Variants in FNDC3A observed in about 807,000 individuals in gnomAD.
The protein encoded by FNDC3A is fibronectin type III domain containing 3A.
Under a neutral mutation model 148.9 loss-of-function variants are expected in FNDC3A, and 32 were observed. The observed-to-expected ratio is 0.21, with a 90% CI of 0.16 to 0.29. The LOEUF is 0.29. Ranked by LOEUF, FNDC3A falls within the 10% of genes least tolerant of loss-of-function variation. The pLI, the probability that FNDC3A is intolerant of heterozygous loss-of-function variation, is 1.00. For missense variants in FNDC3A, 1,191 were observed against 1,452.8 expected, an observed-to-expected ratio of 0.82 and a Z score of 2.93; for synonymous variants, 472 against 473.6, an observed-to-expected ratio of 1.00 and a Z score of 0.04.
At chr13:49,198,633 T>C in intron 23 of FNDC3A, 59 bp downstream of exon 23, 1 of 1,367,324 alleles carries the variant, frequency 7.3e-7, no homozygotes, top group Non-Finnish European at 1.0e-6. Context: ...TATACATTTC[T>C]GTAACTATTA....
intron 8 of FNDC3A, among the ~76,000 whole-genome samples, chr13:49,163,323 T>A (rs1263643167): frequency 6.6e-6 from 1 of 152,210 alleles, no homozygotes; most frequent in South Asian, 2.1e-4. Flanking sequence ...GTTTACCTAC[T>A]CAAGCCTCAG....
chr13:49,063,699 G>C (rs1178119896), intron 2 of FNDC3A, among the ~76,000 whole-genome samples: 2 of 152,264 alleles, frequency 1.3e-5, no homozygotes, highest in Admixed American at 6.5e-5. Flanking sequence ...ATTGCCCCTG[G>C]GCATGGGTGC....
rs111933656 is a variant in FNDC3A, at chr13:49,185,369, A to G, written c.1618-595A>G. Reference sequence around the variant, plus strand: ...CTATGAGGTTGTAATCAAGATGTCAACTGGGGTTGCAGTCATCTCAAGGCT... The same window carrying G: ...CTATGAGGTTGTAATCAAGATGTCAGCTGGGGTTGCAGTCATCTCAAGGCT... On this transcript the variant is annotated intron_variant, in intron 14 of 25. Coordinates refer to ENST00000492622, the MANE Select transcript of FNDC3A (RefSeq NM_001079673.2). Among the ~76,000 whole-genome samples the G allele has an allele frequency of 4.8e-3, 738 of 152,272 alleles. 11 individuals carry two copies. The highest frequency in any genetic ancestry group is 0.017 in the African/African-American group (688 of 41,558).
At chr13:48,993,331 C>G (rs988697979) in intron 1 of FNDC3A, among the ~76,000 whole-genome samples, 2 of 152,200 alleles carry the variant, frequency 1.3e-5, no homozygotes, top group African/African-American at 4.8e-5. Context: ...TGGGCCCCAC[C>G]ACACACCTGT....
Position 49,060,816 on chromosome 13 carries a change from G to T in FNDC3A, c.100-14473G>T, listed in dbSNP as rs536782214. The stretch of plus-strand genomic sequence containing the variant: ...ATACATAGAGATAGAAAGCAGATTG[G>T]TGATTACCAGGGGCTCGGAATAGGG... On this transcript the variant is annotated intron_variant, in intron 2 of 25. Coordinates refer to ENST00000492622, the MANE Select transcript of FNDC3A (RefSeq NM_001079673.2). Among the ~76,000 whole-genome samples, 21 of 152,166 alleles carry T rather than the reference G, an allele frequency of 1.4e-4. 2 individuals carry two copies. Among genetic ancestry groups the T allele is most frequent in the Admixed American group, 9.8e-4 (15 of 15,294 alleles).
chr13:49,198,627 C>T (rs1886273885), intron 23 of FNDC3A, 53 bp downstream of exon 23: 2 of 1,392,206 alleles, frequency 1.4e-6, no homozygotes, highest in South Asian at 1.2e-5. Flanking sequence ...TAAGTATATA[C>T]ATTTCTGTAA....
chr13:49,116,750 C>T (rs529992562), intron 4 of FNDC3A, among the ~76,000 whole-genome samples: 2 of 149,666 alleles, frequency 1.3e-5, no homozygotes. Flanking sequence ...CGCACCATTG[C>T]ACTCCAGCCT....
At chr13:49,038,377 C>G (rs1593503041) in intron 2 of FNDC3A, among the ~76,000 whole-genome samples, 1 of 152,274 alleles carries the variant, frequency 6.6e-6, no homozygotes, top group Non-Finnish European at 1.5e-5. Flanking sequence ...CATTTTCCCC[C>G]TCTAAAGAGA....
At chr13:49,167,168 A>G (rs2138042571) in intron 8 of FNDC3A, 76 bp from the exon 9 acceptor site, 2 of 803,464 alleles carry the variant, frequency 2.5e-6, no homozygotes, top group South Asian at 3.8e-5. Context: ...AATACTCTAA[A>G]CTATAGTGTA....
At chr13:49,168,058 C>T (rs1484191928) in intron 9 of FNDC3A, among the ~76,000 whole-genome samples, 1 of 152,122 alleles carries the variant, frequency 6.6e-6, no homozygotes, top group Non-Finnish European at 1.5e-5. Flanking sequence ...GTGTAATTTA[C>T]TAAAATTTCA....
intron 23 of FNDC3A, among the ~76,000 whole-genome samples, chr13:49,199,202 G>C (rs1245830027): frequency 6.6e-6 from 1 of 152,020 alleles, no homozygotes; most frequent in East Asian, 1.9e-4. Context: ...TGTATTTTTA[G>C]TAGAGATGGG....
intron 2 of FNDC3A, among the ~76,000 whole-genome samples, chr13:49,064,340 CA>C (rs1265809239): frequency 2.2e-5 from 3 of 134,642 alleles, no homozygotes; most frequent in East Asian, 4.6e-4. Flanking sequence ...GACTCCGTCT[CA>C]AAAAAAAAGT....
At chr13:49,184,053 T>C (rs954337038) in intron 14 of FNDC3A, among the ~76,000 whole-genome samples, 12 of 152,168 alleles carry the variant, frequency 7.9e-5, no homozygotes, top group African/African-American at 2.9e-4. Context: ...TAAGAGAGAA[T>C]GACTGGGTAG....
chr13:48,977,672 A>T (rs537694340), intron 1 of FNDC3A, among the ~76,000 whole-genome samples: 1 of 152,350 alleles, frequency 6.6e-6, no homozygotes, highest in African/African-American at 2.4e-5. Flanking sequence ...TATGAAATAT[A>T]ACCTGAAATG....
chr13:49,119,318 G>A (rs1191362013), intron 4 of FNDC3A, among the ~76,000 whole-genome samples: 4 of 152,128 alleles, frequency 2.6e-5, no homozygotes, highest in African/African-American at 7.2e-5. Flanking sequence ...CAAGAAACAC[G>A]ATGTCCACAC....
chr13:49,049,261 G>A (rs1875644965), intron 2 of FNDC3A, among the ~76,000 whole-genome samples: 1 of 151,874 alleles, frequency 6.6e-6, no homozygotes, highest in Non-Finnish European at 1.5e-5. Flanking sequence ...ATATTGGTCT[G>A]TAGTTTTCTT....
At chr13:49,158,097 A>G (rs1481853775) in intron 8 of FNDC3A, among the ~76,000 whole-genome samples, 2 of 152,226 alleles carry the variant, frequency 1.3e-5, no homozygotes, top group African/African-American at 4.8e-5. Context: ...AGCCAGGGCA[A>G]TGGCGGGCGC....
chr13:49,045,593 A>C, intron 2 of FNDC3A: 1 of 479,448 alleles, frequency 2.1e-6, no homozygotes, highest in South Asian at 3.9e-5. Flanking sequence ...ATACTCTCTT[A>C]AATGAGAAGG....
At chr13:49,165,742 C>T (rs572066552) in intron 8 of FNDC3A, among the ~76,000 whole-genome samples, 22 of 152,086 alleles carry the variant, frequency 1.4e-4, no homozygotes, top group African/African-American at 5.1e-4. Flanking sequence ...GATATGGCTT[C>T]GGTGATGTCA....
Sources: gnomAD v4.1 joint callset for allele counts (sites outside exome capture counted in the v4.1 genomes callset) on GRCh38, gnomAD v4.1.1 for gene constraint, MANE v1.5 for transcripts, NCBI Gene and HGNC (gene_info 2026-07-23, HGNC 2026-07-21) for gene names.